OFD1: variants seen among roughly 807,000 people sequenced by gnomAD.
OFD1 encodes centriole and centriolar satellite protein OFD1.
Under a neutral mutation model 81.4 loss-of-function variants are expected in OFD1, and 12 were observed. The ratio of observed to expected loss-of-function variants is 0.15; its 90% CI spans 0.09 to 0.24. The LOEUF (loss-of-function observed/expected upper bound fraction) is 0.24. Ranked by LOEUF, OFD1 falls within the 10% of genes least tolerant of loss-of-function variation. OFD1 has a pLI of 1.00. For missense variants in OFD1, 685 were observed against 733.9 expected (o/e 0.93, Z 0.77); for synonymous variants, 256 against 263.7 (o/e 0.97, Z 0.28).
rs771890433 is a variant in OFD1, at chrX:13,768,102, A to G, written c.2806A>G (p.Met936Val). Reference sequence around the variant, plus strand: ...GATTAAAATAAAAAAGGAATTAGAAATGGAAAATGAATTAGAAATGAGTAA... The same window carrying G: ...GATTAAAATAAAAAAGGAATTAGAAGTGGAAAATGAATTAGAAATGAGTAA... Reference protein sequence around the residue: ...LKIKIKKELEMENELEMSNQE... With the variant: ...LKIKIKKELEVENELEMSNQE... The change falls in exon 21 of 23, where the codon ATG becomes GTG. Residue 936 changes from methionine to valine, a missense_variant. Coordinates refer to ENST00000340096, the MANE Select transcript of OFD1 (RefSeq NM_003611.3). 8.5e-7 allele frequency: 1 copy of G among 1,180,213 alleles called. No individual in the cohort carries two copies. The highest frequency in any genetic ancestry group is 1.2e-6 in the Non-Finnish European group (1 of 867,414).
chrX:13,717,220 A>C, the OFD1 span, among the ~76,000 whole-genome samples: 1 of 110,471 alleles, frequency 9.1e-6, no homozygotes, highest in Non-Finnish European at 1.9e-5. Context: ...TTTCCAGTGC[A>C]TGGAGCTTAC....
chrX:13,756,632 A>T lies in OFD1; in HGVS notation c.1276A>T (p.Met426Leu), dbSNP rs372633870. Residue 426 changes from methionine to leucine, a missense_variant, in exon 13 of 23, where the codon ATG (methionine) becomes TTG (leucine). Met to Leu is a conservative substitution (Grantham distance 15). Transcript: ENST00000340096. ...QSLAITKQNH[M>L]LNEKVKEMSD... ...TTTGGCAATAACAAAACAAAACCAT[A>T]TGCTGAATGAAAAGGTTAAAGAGAT... 4 of 1,202,989 alleles carry T rather than the reference A, an allele frequency of 3.3e-6. No homozygotes were observed. Among genetic ancestry groups the T allele is most frequent in the Non-Finnish European group, 4.5e-6 (4 of 890,529 alleles).
At chrX:13,772,075 T>C (rs994256206), downstream of OFD1, 3 of 112,296 alleles carry the variant, frequency 2.7e-5, no homozygotes, top group East Asian at 2.8e-4. Context: ...TTTGGGTCTC[T>C]AGTTATGATA....
the OFD1 span, among the ~76,000 whole-genome samples, chrX:13,728,248 T>G: frequency 8.9e-6 from 1 of 112,203 alleles, no homozygotes; most frequent in East Asian, 2.8e-4. Flanking sequence ...TAACTCATTT[T>G]ATGAAGCCAA....
the OFD1 span, among the ~76,000 whole-genome samples, chrX:13,719,051 G>C: frequency 9.0e-6 from 1 of 110,976 alleles, no homozygotes; most frequent in East Asian, 2.8e-4. Context: ...CAGCTACCTG[G>C]GAGGCTAATA....
At chrX:13,728,688 CACAAG>C in the OFD1 span, among the ~76,000 whole-genome samples, 1 of 112,087 alleles carries the variant, frequency 8.9e-6, no homozygotes, top group Non-Finnish European at 1.9e-5. Flanking sequence ...TCAAAACTGG[CACAAG>C]ACAAGGATGC....
chrX:13,723,095 CAA>C, the OFD1 span, among the ~76,000 whole-genome samples: 272 of 62,713 alleles, frequency 4.3e-3, no homozygotes, highest in Middle Eastern at 9.0e-3. Context: ...GACTCCATCT[CAA>C]AAAAAAAAAA....
chrX:13,717,174 T>C, the OFD1 span, among the ~76,000 whole-genome samples: 9 of 109,240 alleles, frequency 8.2e-5, no homozygotes, highest in Non-Finnish European at 1.5e-4. Flanking sequence ...GTAGAGACAG[T>C]TGAAATGGCG....
chrX:13,759,278 G>A (rs1333322395), intron 15 of OFD1, among the ~76,000 whole-genome samples: 1 of 111,726 alleles, frequency 9.0e-6, no homozygotes, highest in Non-Finnish European at 1.9e-5. Context: ...ATCTCTACTC[G>A]TTTCTGCTTT....
At chrX:13,718,040 G>A in the OFD1 span, among the ~76,000 whole-genome samples, 1 of 112,553 alleles carries the variant, frequency 8.9e-6, no homozygotes, top group Non-Finnish European at 1.9e-5. Context: ...AGCTGGGAGA[G>A]AGGCCTGGAC....
intron 13 of OFD1, 116 bp from the exon 14 acceptor site, chrX:13,757,544 G>A: frequency 1.4e-6 from 1 of 725,001 alleles, no homozygotes; most frequent in Non-Finnish European, 2.0e-6. Flanking sequence ...CATATTTATT[G>A]AGTCAGTACA....
In OFD1 at chrX:13,754,413, C is replaced by CTTT. The variant is rs869303506; in HGVS notation, c.1130-721_1130-719dup. Among the ~76,000 whole-genome samples, 8 of 90,226 alleles carry CTTT rather than the reference C, an allele frequency of 8.9e-5. No homozygotes were observed. In the East Asian group the frequency reaches 1.4e-3, roughly 15 times the overall value. The allele number at this position is 90,226 out of a possible 115,157, so 78.4% of individuals were successfully genotyped here. A position where few individuals can be genotyped will look rare whatever the true frequency, so the allele number is the denominator to read the frequency against. On this transcript the variant is annotated intron_variant, in intron 11 of 22. Transcript: ENST00000340096. ...CAGATACCCAATGTGTGGCTACTGTCTTTTTTTTTTTTTTTTTTTAAGAGA... is the reference window on the plus strand; with the variant it reads ...CAGATACCCAATGTGTGGCTACTGTCTTTTTTTTTTTTTTTTTTTTTTAAGAGA...
intron 6 of OFD1, among the ~76,000 whole-genome samples, chrX:13,745,202 G>T (rs897408398): frequency 8.9e-6 from 1 of 112,191 alleles, no homozygotes; most frequent in Non-Finnish European, 1.9e-5. Context: ...GCCTTTAAGT[G>T]TATTTTTAAT....
chrX:13,766,560 G>A (rs2048137067), intron 19 of OFD1, among the ~76,000 whole-genome samples: 1 of 111,283 alleles, frequency 9.0e-6, no homozygotes, highest in Non-Finnish European at 1.9e-5. Flanking sequence ...CCATATACAA[G>A]TGATGGCTAA....
At chrX:13,730,181 G>A (rs1310000535), upstream of OFD1, among the ~76,000 whole-genome samples, 1 of 110,181 alleles carries the variant, frequency 9.1e-6, no homozygotes, top group East Asian at 2.8e-4. Flanking sequence ...ATCTGACGAA[G>A]GGCTAATATC....
Position 13,735,037 on chromosome X carries a change from C to A in OFD1, c.-35C>A. ...GCACTAAACTCGGGCCGCGGCGGGG[C>A]GAGCGAGGCGGGCTCCGGAGGGAGC... On this transcript the variant is annotated 5_prime_UTR_variant, in exon 1 of 23. Coordinates refer to ENST00000340096, the MANE Select transcript of OFD1 (RefSeq NM_003611.3). 1 of 1,184,820 alleles carries A rather than the reference C, an allele frequency of 8.4e-7. No individual in the cohort carries two copies. Among genetic ancestry groups the A allele is most frequent in the Non-Finnish European group, 1.1e-6 (1 of 885,292 alleles).
chrX:13,744,401 CAT>C lies in OFD1; in HGVS notation c.413-11_413-10del, dbSNP rs1192195829. 4.2e-6 allele frequency: 4 copies of C among 952,233 alleles called. No individual in the cohort carries two copies. Among genetic ancestry groups the C allele is most frequent in the South Asian group, 3.9e-5 (2 of 51,502 alleles). 78.5% of individuals were successfully genotyped at this position (952,233 alleles called of 1,213,427 possible). ...GAAAGTTCTGAAACAAAACTGTATG[CAT>C]ATGTTTTTTAGGTTTTCTTATGCAT... On this transcript the variant is annotated splice_polypyrimidine_tract_variant and intron_variant, in intron 5 of 22. Coordinates refer to ENST00000340096, the MANE Select transcript of OFD1 (RefSeq NM_003611.3).
intron 8 of OFD1, among the ~76,000 whole-genome samples, chrX:13,748,095 C>CT (rs2047364488): frequency 8.9e-6 from 1 of 112,102 alleles, no homozygotes; most frequent in African/African-American, 3.2e-5. Flanking sequence ...TTGTTTAATG[C>CT]TAAGGGCACC....
At chrX:13,717,566 A>G in the OFD1 span, among the ~76,000 whole-genome samples, 2 of 110,624 alleles carry the variant, frequency 1.8e-5, no homozygotes, top group Admixed American at 1.9e-4. Context: ...ATATGGTGAA[A>G]TCCCATCTCT....
Sources: allele counts gnomAD v4.1 joint callset (sites outside exome capture counted in the v4.1 genomes callset), GRCh38; gene constraint gnomAD v4.1.1; transcripts MANE v1.5; gene names NCBI Gene and HGNC (gene_info 2026-07-23, HGNC 2026-07-21).